RSU1: variants seen among roughly 807,000 people sequenced by gnomAD.
The protein encoded by RSU1 is Ras suppressor protein 1, also known as rsu-1.
A neutral mutation model predicts 31.1 loss-of-function variants in RSU1; 26 were observed. That is an observed-to-expected ratio of 0.84 (90% CI 0.61 to 1.16). RSU1 has a LOEUF of 1.16. Among genes scored for constraint, RSU1 ranks in the 50% most tolerant of loss-of-function variants. RSU1 has a pLI of 0.00. For missense variants in RSU1, 320 were observed against 339.1 expected, an observed-to-expected ratio of 0.94 and a Z score of 0.44; for synonymous variants, 164 against 136.3, an observed-to-expected ratio of 1.20 and a Z score of -1.41.
intron 7 of RSU1, among the ~76,000 whole-genome samples, chr10:16,745,635 C>T (rs191614519): frequency 1.3e-5 from 2 of 152,226 alleles, no homozygotes; most frequent in East Asian, 1.9e-4. Context: ...AGGAAAGACC[C>T]GCCCCCATGA....
chr10:16,662,477 T>A (rs1336869048), intron 8 of RSU1, among the ~76,000 whole-genome samples: 2 of 152,220 alleles, frequency 1.3e-5, no homozygotes, highest in Admixed American at 6.5e-5. Context: ...CTTCTCTTTT[T>A]CACTTTCCTA....
chr10:16,656,483 C>G (rs967338387), intron 8 of RSU1, among the ~76,000 whole-genome samples: 16 of 152,204 alleles, frequency 1.1e-4, no homozygotes, highest in Admixed American at 9.8e-4. Context: ...AGGGGATTAC[C>G]TTACGTACAA....
rs137862935 is a variant in RSU1 at position 16,646,707 on chromosome 10, C to A, written c.731+48316G>T. On this transcript the variant is annotated intron_variant, in intron 8 of 8. Transcript: ENST00000345264. The stretch of plus-strand genomic sequence containing the variant: ...CTTCTGAGTAACAGTCTCAAAGATA[C>A]CATGGTGGCAAGCATTAGCTTGCAA... 4.3e-3 allele frequency among the ~76,000 whole-genome samples: 660 copies of A among 152,294 alleles called. 6 individuals are homozygous for A. The highest frequency in any genetic ancestry group is 0.041 in the Middle Eastern group (12 of 294).
intron 8 of RSU1, among the ~76,000 whole-genome samples, chr10:16,694,737 ATTTCTT>A (rs1400446873): frequency 5.9e-5 from 9 of 151,912 alleles, no homozygotes; most frequent in African/African-American, 1.9e-4. Context: ...TGCCTGGATA[ATTTCTT>A]TTTCTTTTTC....
chr10:16,738,874 C>A (rs537107681), intron 7 of RSU1, among the ~76,000 whole-genome samples: 4 of 151,552 alleles, frequency 2.6e-5, no homozygotes, highest in African/African-American at 9.7e-5. Context: ...CCCACCCCCC[C>A]AGCGGACCCC....
intron 8 of RSU1, among the ~76,000 whole-genome samples, chr10:16,653,764 C>G (rs893368073): frequency 6.6e-6 from 1 of 151,988 alleles, no homozygotes; most frequent in Non-Finnish European, 1.5e-5. Flanking sequence ...CGGACAAGAG[C>G]ATACTACCTG....
intron 7 of RSU1, among the ~76,000 whole-genome samples, chr10:16,725,239 A>T (rs1269150834): frequency 1.3e-5 from 2 of 152,196 alleles, no homozygotes; most frequent in African/African-American, 4.8e-5. Flanking sequence ...AAATAATCCT[A>T]TGTACATCCT....
intron 7 of RSU1, among the ~76,000 whole-genome samples, chr10:16,713,063 C>G (rs1836056056): frequency 6.6e-6 from 1 of 152,208 alleles, no homozygotes; most frequent in African/African-American, 2.4e-5. Context: ...TGCAAGGTTT[C>G]TGCTGAGAAA....
chr10:16,601,931 G>A (rs1205099112), intron 8 of RSU1, among the ~76,000 whole-genome samples: 1 of 152,166 alleles, frequency 6.6e-6, no homozygotes, highest in Non-Finnish European at 1.5e-5. Context: ...TATCTCCCTG[G>A]CAGGTGAACT....
intron 3 of RSU1, among the ~76,000 whole-genome samples, chr10:16,772,272 C>T (rs1564351832): frequency 6.6e-6 from 1 of 152,102 alleles, no homozygotes; most frequent in African/African-American, 2.4e-5. Flanking sequence ...GTATGCATAA[C>T]CAAACAAATT....
At chr10:16,711,331 CTT>C (rs1836015120) in intron 7 of RSU1, among the ~76,000 whole-genome samples, 3 of 85,004 alleles carry the variant, frequency 3.5e-5, no homozygotes, top group African/African-American at 1.4e-4. Context: ...TTTTGCTTAT[CTT>C]TTCAAAAAAA....
At chr10:16,724,427 G>T (rs964653224) in intron 7 of RSU1, among the ~76,000 whole-genome samples, 3 of 152,314 alleles carry the variant, frequency 2.0e-5, no homozygotes, top group South Asian at 4.2e-4. Context: ...CAAAATGAGG[G>T]AGGGCATTAG....
intron 7 of RSU1, among the ~76,000 whole-genome samples, chr10:16,749,898 G>A (rs1408597512): frequency 2.6e-5 from 4 of 152,110 alleles, no homozygotes; most frequent in African/African-American, 9.7e-5. Context: ...CCTCTTACCA[G>A]CATATGGGTG....
At chr10:16,737,989 G>A (rs747397959) in intron 7 of RSU1, among the ~76,000 whole-genome samples, 12 of 152,030 alleles carry the variant, frequency 7.9e-5, no homozygotes, top group Non-Finnish European at 1.8e-4. Flanking sequence ...AAAATGTTTC[G>A]GATATCTCCG....
chr10:16,603,822 CTGTATA>C (rs1330429724), intron 8 of RSU1, among the ~76,000 whole-genome samples: 1 of 152,124 alleles, frequency 6.6e-6, no homozygotes, highest in Non-Finnish European at 1.5e-5. Flanking sequence ...AGACATCCAA[CTGTATA>C]TGTATGTGCT....
At chr10:16,772,619 G>C (rs1393464957) in intron 3 of RSU1, among the ~76,000 whole-genome samples, 1 of 89,968 alleles carries the variant, frequency 1.1e-5, no homozygotes, top group Non-Finnish European at 2.0e-5. Context: ...CAAAACACTG[G>C]AAAGAGAGAG....
chr10:16,746,016 T>C (rs1194772486), intron 7 of RSU1, among the ~76,000 whole-genome samples: 5 of 152,210 alleles, frequency 3.3e-5, no homozygotes, highest in Non-Finnish European at 5.9e-5. Context: ...CTTTAGCTTC[T>C]TAATGTCCAC....
chr10:16,683,690 G>T (rs976904149), intron 8 of RSU1, among the ~76,000 whole-genome samples: 1 of 152,320 alleles, frequency 6.6e-6, no homozygotes, highest in African/African-American at 2.4e-5. Context: ...AGTGACCACG[G>T]TCGTGACACA....
chr10:16,680,821 AC>A (rs1835317206), intron 8 of RSU1, among the ~76,000 whole-genome samples: 1 of 152,158 alleles, frequency 6.6e-6, no homozygotes. Context: ...AGATATCCAA[AC>A]TATGTCAGGA....
Sources: allele counts gnomAD v4.1 joint callset (sites outside exome capture counted in the v4.1 genomes callset), GRCh38; gene constraint gnomAD v4.1.1; transcripts MANE v1.5; gene names NCBI Gene and HGNC (gene_info 2026-07-23, HGNC 2026-07-21).